The following FRMPD4 variants were observed in gnomAD, a reference collection of about 807,000 sequenced individuals.
FRMPD4 encodes FERM and PDZ domain-containing protein 4.
Under a neutral mutation model 94.1 loss-of-function variants are expected in FRMPD4, and 22 were observed. That is an observed-to-expected ratio of 0.23 (90% CI 0.17 to 0.33). FRMPD4 has a LOEUF of 0.33. FRMPD4 is among the 10% of genes least tolerant of loss of function. The pLI, the probability that FRMPD4 is intolerant of heterozygous loss-of-function variation, is 1.00. For synonymous variants in FRMPD4, 631 were observed against 548.6 expected (o/e 1.15, Z -2.10); for missense variants, 1,111 against 1,339.9 (o/e 0.83, Z 2.67).
chrX:12,117,323 G>A (rs1248261649), intron 3 of FRMPD4, among the ~76,000 whole-genome samples: 1 of 110,654 alleles, frequency 9.0e-6, no homozygotes, highest in Non-Finnish European at 1.9e-5. Context: ...TTGGGGATAC[G>A]GGTGGTTTTT....
At chrX:12,124,381 TC>T (rs938524038) in intron 3 of FRMPD4, among the ~76,000 whole-genome samples, 5 of 112,277 alleles carry the variant, frequency 4.5e-5, no homozygotes, top group African/African-American at 1.6e-4. Flanking sequence ...GTTTCTTTAT[TC>T]CCTAACATGT....
chrX:12,711,401 G>A (rs1043423859), intron 14 of FRMPD4, among the ~76,000 whole-genome samples: 9 of 111,705 alleles, frequency 8.1e-5, no homozygotes, highest in African/African-American at 2.9e-4. Flanking sequence ...TCCATAATAG[G>A]AGCACCAAGA....
intron 3 of FRMPD4, among the ~76,000 whole-genome samples, chrX:12,016,524 T>C (rs1279710173): frequency 8.9e-6 from 1 of 112,284 alleles, no homozygotes; most frequent in African/African-American, 3.2e-5. Flanking sequence ...TCCCTTTTCA[T>C]CTATGTTATA....
chrX:12,261,147 T>C (rs1016789), intron 1 of FRMPD4, among the ~76,000 whole-genome samples: 52,255 of 110,658 alleles, frequency 0.47, 8,813 homozygotes, highest in Non-Finnish European at 0.53. Context: ...CTGAGCTTCT[T>C]ACAGAGGATA....
chrX:11,832,397 A>T (rs753184535), intron 1 of FRMPD4, among the ~76,000 whole-genome samples: 1 of 111,674 alleles, frequency 9.0e-6, no homozygotes, highest in African/African-American at 3.3e-5. Flanking sequence ...CCAAATTTCC[A>T]TTCTCTGAGC....
At chrX:12,122,875 C>T (rs2147538230) in intron 3 of FRMPD4, among the ~76,000 whole-genome samples, 2 of 111,293 alleles carry the variant, frequency 1.8e-5, no homozygotes, top group East Asian at 5.6e-4. Context: ...CTTCCTAAAG[C>T]ACTTCATTGC....
intron 1 of FRMPD4, among the ~76,000 whole-genome samples, chrX:12,146,352 G>A (rs765976366): frequency 2.3e-4 from 23 of 101,985 alleles, no homozygotes; most frequent in African/African-American, 8.0e-4. Flanking sequence ...GCAACAGAAC[G>A]AGACTCTGTC....
Position 12,189,512 on chromosome X carries a change from A to G in FRMPD4, c.41+50500A>G, listed in dbSNP as rs187494842. On this transcript the variant is annotated intron_variant, in intron 1 of 16. Coordinates refer to ENST00000675598, the MANE Select transcript of FRMPD4 (RefSeq NM_001368397.1). ...CATGAACATAGATTCAAAAATCCCC[A>G]ATGAAATATTAGCAAATTGAATCAA... Among the ~76,000 whole-genome samples, 4 of 112,035 alleles carry G rather than the reference A, an allele frequency of 3.6e-5. No individual in the cohort carries two copies. In the East Asian group the frequency reaches 1.1e-3, roughly 31 times the overall value.
intron 13 of FRMPD4, among the ~76,000 whole-genome samples, chrX:12,709,983 C>T (rs556784536): frequency 9.0e-6 from 1 of 110,568 alleles, no homozygotes; most frequent in South Asian, 3.9e-4. Context: ...CAAAAATTAG[C>T]CTGGCGCGGT....
At chrX:12,531,449 A>G (rs1207200639) in intron 2 of FRMPD4, among the ~76,000 whole-genome samples, 3 of 112,040 alleles carry the variant, frequency 2.7e-5, no homozygotes, top group Non-Finnish European at 5.6e-5. Flanking sequence ...TTTCTTGGAC[A>G]TCAGATTTTC....
In FRMPD4 at chrX:12,720,730, G is replaced by A; in HGVS notation, c.4161G>A (p.Leu1387=). 3 of 1,069,472 alleles carry A rather than the reference G, an allele frequency of 2.8e-6. No homozygotes were observed. Among genetic ancestry groups the A allele is most frequent in the Non-Finnish European group, 3.6e-6 (3 of 829,680 alleles). 88.1% of individuals were successfully genotyped at this position (1,069,472 alleles called of 1,213,427 possible). Residue 1387 remains leucine (L), a synonymous_variant, in exon 17 of 17, where the codon CTG becomes CTA. Coordinates refer to ENST00000675598, the MANE Select transcript of FRMPD4 (RefSeq NM_001368397.1). The stretch of plus-strand genomic sequence containing the variant: ...CTGTGAGCTGGCGGCCACCGGATCT[G>A]AGAGGGGGGAGCCTCAGGACACCTC... The part of the protein sequence containing the change: ...GEAVSWRPPD[L]RGGSLRTPPS...
At chrX:11,979,368 T>C (rs2054385509) in intron 3 of FRMPD4, among the ~76,000 whole-genome samples, 1 of 112,265 alleles carries the variant, frequency 8.9e-6, no homozygotes, top group Admixed American at 9.4e-5. Context: ...TTCTTATGAA[T>C]AATGGTCTTC....
chrX:12,168,907 G>C (rs1285090834), intron 1 of FRMPD4, among the ~76,000 whole-genome samples: 1 of 111,842 alleles, frequency 8.9e-6, no homozygotes, highest in Non-Finnish European at 1.9e-5. Context: ...TTACAGGCGT[G>C]AGCCACCGTG....
At chrX:12,014,732 G>A (rs970705628) in intron 3 of FRMPD4, among the ~76,000 whole-genome samples, 1 of 111,631 alleles carries the variant, frequency 9.0e-6, no homozygotes, top group Non-Finnish European at 1.9e-5. Flanking sequence ...TAGGGAATTT[G>A]AGGGAGAGAG....
chrX:12,312,397 C>T (rs6639172), intron 1 of FRMPD4, among the ~76,000 whole-genome samples: 14,851 of 106,235 alleles, frequency 0.14, 1,114 homozygotes, highest in Admixed American at 0.39. Flanking sequence ...GGACTACAGG[C>T]GCCTGCCACC....
chrX:12,157,597 A>G (rs1330313581), intron 1 of FRMPD4, among the ~76,000 whole-genome samples: 3 of 112,192 alleles, frequency 2.7e-5, no homozygotes, highest in African/African-American at 9.7e-5. Flanking sequence ...AAGAGCTAGC[A>G]TCTACTGAGG....
intron 3 of FRMPD4, among the ~76,000 whole-genome samples, chrX:12,064,756 A>G (rs1044643065): frequency 1.8e-5 from 2 of 112,073 alleles, no homozygotes; most frequent in Admixed American, 1.9e-4. Flanking sequence ...CCCTGACAAT[A>G]TATCCTGGGA....
intron 1 of FRMPD4, among the ~76,000 whole-genome samples, chrX:12,320,265 CATTTTACAAATGAGGGAAATGA>C (rs1174708583): frequency 9.0e-6 from 1 of 111,538 alleles, no homozygotes; most frequent in East Asian, 2.8e-4. Context: ...GTACTGTTCT[CATTTTACAAATGAGGGAAATGA>C]GGCAAAAAGA....
At chrX:12,541,376 A>G (rs1481553049) in intron 2 of FRMPD4, among the ~76,000 whole-genome samples, 1 of 111,369 alleles carries the variant, frequency 9.0e-6, no homozygotes, top group Non-Finnish European at 1.9e-5. Context: ...GAGAAGAACC[A>G]AATAGATGCA....
Sources: allele counts gnomAD v4.1 joint callset (sites outside exome capture counted in the v4.1 genomes callset), GRCh38; gene constraint gnomAD v4.1.1; transcripts MANE v1.5; gene names NCBI Gene and HGNC (gene_info 2026-07-23, HGNC 2026-07-21).